Variants in ME1 observed in about 807,000 individuals in gnomAD.
ME1 encodes NADP-dependent malic enzyme.
A neutral mutation model predicts 66.4 loss-of-function variants in ME1; 74 were observed. That is an observed-to-expected ratio of 1.11 (90% confidence interval 0.92 to 1.35). ME1 has a LOEUF of 1.35. ME1 is among the 40% of genes most tolerant of loss of function. ME1 has a pLI of 0.00. For synonymous variants in ME1, 251 were observed against 235.6 expected, an observed-to-expected ratio of 1.07 and a Z score of -0.60; for missense variants, 750 against 694.1, an observed-to-expected ratio of 1.08 and a Z score of -0.90.
chr6:83,372,993 A>G (rs573369252), intron 3 of ME1, among the ~76,000 whole-genome samples: 1 of 152,360 alleles, frequency 6.6e-6, no homozygotes, highest in South Asian at 2.1e-4. Context: ...ACTTTCCAAA[A>G]CTACTAAATA....
At chr6:83,331,739 C>A (rs746168422) in intron 5 of ME1, among the ~76,000 whole-genome samples, 1 of 152,022 alleles carries the variant, frequency 6.6e-6, no homozygotes, top group Admixed American at 6.6e-5. Context: ...GGACTTCCAG[C>A]CCCCAGAACT....
Position 83,407,766 on chromosome 6 carries a change from A to G in ME1, c.212+2T>C. 6.3e-7 allele frequency: 1 copy of G among 1,592,334 alleles called. No homozygotes were observed. ...TAAAAACCACCTTCAGCAATGTGTT[A>G]CCTGTCAAAGTCAGAGTTCAGATGC... On this transcript the variant is annotated splice_donor_variant, in intron 2 of 13. Transcript: ENST00000369705. LOFTEE classifies it high-confidence loss of function.
At chr6:83,346,906 G>A (rs1583393350) in intron 4 of ME1, among the ~76,000 whole-genome samples, 1 of 151,912 alleles carries the variant, frequency 6.6e-6, no homozygotes, top group Non-Finnish European at 1.5e-5. Flanking sequence ...TAGACTTAAT[G>A]AATTTTGTCT....
In ME1 at chr6:83,277,084, A is replaced by C. The variant is rs541524997; in HGVS notation, c.705-23346T>G. Among the ~76,000 whole-genome samples, 25 of 152,356 alleles carry C rather than the reference A, an allele frequency of 1.6e-4. No homozygotes were observed. In the South Asian group the frequency reaches 3.5e-3, roughly 21 times the overall value. On this transcript the variant is annotated intron_variant, in intron 6 of 13. Transcript: ENST00000369705. ...TCCCACCTCAAAGAAATATTTAACA[A>C]TTGATGAATGTATAAGATGGCATTT...
intron 12 of ME1, among the ~76,000 whole-genome samples, chr6:83,220,643 A>C (rs1259089614): frequency 6.6e-6 from 1 of 152,230 alleles, no homozygotes; most frequent in Non-Finnish European, 1.5e-5. Flanking sequence ...ACTTTTGTTA[A>C]CTACAAAATA....
At chr6:83,410,623 A>T (rs960061859) in intron 1 of ME1, among the ~76,000 whole-genome samples, 4 of 152,192 alleles carry the variant, frequency 2.6e-5, no homozygotes, top group Admixed American at 2.0e-4. Flanking sequence ...AGCTGGCTAA[A>T]GTCTCAAAAA....
At chr6:83,230,077 C>G (rs111914607) in intron 9 of ME1, among the ~76,000 whole-genome samples, 1 of 151,912 alleles carries the variant, frequency 6.6e-6, no homozygotes, top group Non-Finnish European at 1.5e-5. Flanking sequence ...CTTTTCGCTT[C>G]AGCCTCCTGA....
chr6:83,402,906 A>G (rs1454344938), intron 2 of ME1, among the ~76,000 whole-genome samples: 2 of 152,226 alleles, frequency 1.3e-5, no homozygotes, highest in Non-Finnish European at 2.9e-5. Flanking sequence ...TGTAATTGCC[A>G]TAAGTATTTC....
At chr6:83,367,535 T>A (rs1195605829) in intron 3 of ME1, among the ~76,000 whole-genome samples, 2 of 152,240 alleles carry the variant, frequency 1.3e-5, no homozygotes, top group African/African-American at 2.4e-5. Flanking sequence ...TAGATCTGGA[T>A]AACTTGCTGT....
At chr6:83,256,025 C>A (rs1227085868) in intron 6 of ME1, among the ~76,000 whole-genome samples, 1 of 152,130 alleles carries the variant, frequency 6.6e-6, no homozygotes, top group Admixed American at 6.6e-5. Flanking sequence ...TGTTAATCAT[C>A]TTTTATCCTT....
chr6:83,215,948 T>A lies in ME1; in HGVS notation c.1548+550A>T, dbSNP rs560115483. 3.3e-5 allele frequency among the ~76,000 whole-genome samples: 5 copies of A among 152,308 alleles called. No individual in the cohort carries two copies. In the South Asian group the frequency reaches 1.0e-3, roughly 32 times the overall value. ...ATCTTCCAGTTTAGTTACAGAAAATTTCTCTGCCTTTGGGTTCTTCTTGGC... is the reference window on the plus strand; with the variant it reads ...ATCTTCCAGTTTAGTTACAGAAAATATCTCTGCCTTTGGGTTCTTCTTGGC... On this transcript the variant is annotated intron_variant, in intron 13 of 13. Coordinates refer to ENST00000369705, the MANE Select transcript of ME1 (RefSeq NM_002395.6).
intron 2 of ME1, among the ~76,000 whole-genome samples, chr6:83,406,971 T>TAC (rs59788379): frequency 0.28 from 40,280 of 143,732 alleles, 5,509 homozygotes; most frequent in Middle Eastern, 0.4. Context: ...TTTTCATTCA[T>TAC]ACACACACAC....
At chr6:83,296,772 T>C (rs1013604024) in intron 6 of ME1, among the ~76,000 whole-genome samples, 6 of 152,188 alleles carry the variant, frequency 3.9e-5, no homozygotes, top group African/African-American at 1.4e-4. Context: ...TAAACACCAT[T>C]TTCTCAGTCC....
chr6:83,297,612 G>T (rs1243455903), intron 6 of ME1, among the ~76,000 whole-genome samples: 1 of 143,840 alleles, frequency 7.0e-6, no homozygotes, highest in Non-Finnish European at 1.5e-5. Flanking sequence ...TAAGTTCCAG[G>T]ATACATGTGA....
At chr6:83,406,971 T>TACACACACACACACACACACACACACAC (rs59788379) in intron 2 of ME1, among the ~76,000 whole-genome samples, 2 of 143,876 alleles carry the variant, frequency 1.4e-5, no homozygotes, top group African/African-American at 5.2e-5. Flanking sequence ...TTTTCATTCA[T>TACACACACACACACACACACACACACAC]ACACACACAC....
chr6:83,286,022 GA>G, intron 6 of ME1, among the ~76,000 whole-genome samples: 1 of 152,014 alleles, frequency 6.6e-6, no homozygotes, highest in Non-Finnish European at 1.5e-5. Context: ...TAAGATTTCC[GA>G]ATTCAGAATG....
intron 6 of ME1, among the ~76,000 whole-genome samples, chr6:83,302,616 A>G (rs948455047): frequency 6.6e-6 from 1 of 152,190 alleles, no homozygotes; most frequent in Non-Finnish European, 1.5e-5. Context: ...TGGTGTATCC[A>G]TGCTAGGATA....
chr6:83,292,135 T>A (rs1767515081), intron 6 of ME1, among the ~76,000 whole-genome samples: 1 of 152,144 alleles, frequency 6.6e-6, no homozygotes. Flanking sequence ...ATTCATCAAA[T>A]TCATTCTCCA....
chr6:83,270,065 T>C (rs1767057365), intron 6 of ME1, among the ~76,000 whole-genome samples: 1 of 152,058 alleles, frequency 6.6e-6, no homozygotes, highest in South Asian at 2.1e-4. Context: ...CATTCTTTAA[T>C]CCATCTAATG....
Sources: gnomAD v4.1 joint callset for allele counts (sites outside exome capture counted in the v4.1 genomes callset) on GRCh38, gnomAD v4.1.1 for gene constraint, MANE v1.5 for transcripts, NCBI Gene and HGNC (gene_info 2026-07-23, HGNC 2026-07-21) for gene names.